The following BRAF variants were observed in gnomAD, a reference collection of about 807,000 sequenced individuals.
The protein encoded by BRAF is serine/threonine-protein kinase B-raf.
Under a neutral mutation model 104.6 loss-of-function variants are expected in BRAF, and 16 were observed. The observed-to-expected ratio is 0.15, with a 90% confidence interval of 0.10 to 0.23. The LOEUF (loss-of-function observed/expected upper bound fraction) is 0.23. BRAF is among the 10% of genes least tolerant of loss of function. BRAF has a pLI of 1.00. For synonymous variants in BRAF, 310 were observed against 341.6 expected (o/e 0.91, Z 1.02); for missense variants, 541 against 937.3 (o/e 0.58, Z 5.52).
At chr7:140,907,057 T>C (rs1366283941) in intron 1 of BRAF, among the ~76,000 whole-genome samples, 3 of 152,214 alleles carry the variant, frequency 2.0e-5, no homozygotes, top group Non-Finnish European at 4.4e-5. Flanking sequence ...AGAAATTAGA[T>C]CTTATTCTGT....
chr7:140,908,989 C>CTTTTTTTTTTT (rs1224922004), intron 1 of BRAF, among the ~76,000 whole-genome samples: 5 of 120,188 alleles, frequency 4.2e-5, no homozygotes, highest in Admixed American at 8.5e-5. Context: ...TCTACGTTTT[C>CTTTTTTTTTTT]TTTTTTTTTT....
At chr7:140,798,363 C>T (rs1305285485) in intron 7 of BRAF, among the ~76,000 whole-genome samples, 3 of 149,342 alleles carry the variant, frequency 2.0e-5, no homozygotes, top group Non-Finnish European at 3.0e-5. Context: ...CCTGGGTTCA[C>T]GCCATCCTCC....
chr7:140,778,912 C>T (rs1171143215), intron 12 of BRAF, among the ~76,000 whole-genome samples: 2 of 152,102 alleles, frequency 1.3e-5, no homozygotes, highest in Non-Finnish European at 2.9e-5. Flanking sequence ...GTTACATGTT[C>T]ACCAAAAGAC....
At position 140,721,408 on chromosome 7, in the gene BRAF, T is replaced by A; in HGVS notation, c.*5086A>T. 8.0e-7 allele frequency: 1 copy of A among 1,252,070 alleles called. No individual in the cohort carries two copies. 77.6% of individuals were successfully genotyped at this position (1,252,070 alleles called of 1,614,324 possible). ...AACTGTTAATTACCCTTTCCACAAT[T>A]AACAAAAATTAGAATTGAATTTCAA... is the stretch of plus-strand genomic sequence containing the variant. On this transcript the variant is annotated 3_prime_UTR_variant, in exon 20 of 20. Coordinates refer to ENST00000644969, the MANE Select transcript of BRAF (RefSeq NM_001374258.1).
At chr7:140,844,640 T>C (rs1183806558) in intron 2 of BRAF, among the ~76,000 whole-genome samples, 3 of 152,164 alleles carry the variant, frequency 2.0e-5, no homozygotes, top group Admixed American at 6.5e-5. Context: ...AAAATTCACA[T>C]GGAGGCTGAG....
chr7:140,755,057 A>G (rs1798091056), intron 14 of BRAF, among the ~76,000 whole-genome samples: 1 of 152,170 alleles, frequency 6.6e-6, no homozygotes. Flanking sequence ...TCTATCACCC[A>G]GGCTGGAGTG....
At position 140,801,438 on chromosome 7, in the gene BRAF, C is replaced by G. The variant is rs1803100594; in HGVS notation, c.834G>C (p.Leu278=). The change falls in exon 6 of 20, where the codon CTG becomes CTC. Residue 278 remains leucine, a synonymous_variant. Transcript: ENST00000644969. ...FHQRCSTEVP[L]MCVNYDQLDL... is the part of the protein sequence containing the mutation. Reference sequence around the variant, plus strand: ...CAAGTTGGTCATAATTAACACACATCAGTGGAACTTCTGTACTACAACGCT... The same window carrying G: ...CAAGTTGGTCATAATTAACACACATGAGTGGAACTTCTGTACTACAACGCT... 6.2e-7 allele frequency: 1 copy of G among 1,613,830 alleles called. No homozygotes were observed. The highest frequency in any genetic ancestry group is 1.3e-5 in the African/African-American group (1 of 74,926).
At chr7:140,847,056 G>A (rs549130169) in intron 2 of BRAF, among the ~76,000 whole-genome samples, 3 of 152,174 alleles carry the variant, frequency 2.0e-5, no homozygotes, top group Middle Eastern at 3.4e-3. Flanking sequence ...TTGAGAGGCT[G>A]ACGCAGGAGA....
chr7:140,862,493 T>C (rs939494221), intron 1 of BRAF, among the ~76,000 whole-genome samples: 14 of 152,300 alleles, frequency 9.2e-5, no homozygotes, highest in African/African-American at 3.1e-4. Flanking sequence ...AAAACACCAA[T>C]GGTCTGAGTA....
intron 3 of BRAF, among the ~76,000 whole-genome samples, chr7:140,814,674 A>G (rs1276604209): frequency 2.0e-5 from 3 of 148,066 alleles, no homozygotes; most frequent in African/African-American, 7.4e-5. Flanking sequence ...CAAAAAATAT[A>G]TATATATAAA....
intron 5 of BRAF, among the ~76,000 whole-genome samples, chr7:140,804,123 G>C (rs1360406550): frequency 1.3e-5 from 2 of 152,104 alleles, no homozygotes; most frequent in Admixed American, 6.6e-5. Flanking sequence ...CTGACCTCAA[G>C]TGATCCGCCT....
chr7:140,760,043 G>T (rs967699066), intron 14 of BRAF, among the ~76,000 whole-genome samples: 19 of 152,170 alleles, frequency 1.2e-4, no homozygotes, highest in African/African-American at 4.3e-4. Context: ...TTTCTGACAG[G>T]TCAAATAAAC....
chr7:140,870,871 T>TAAAA (rs369012646), intron 1 of BRAF, among the ~76,000 whole-genome samples: 2 of 125,130 alleles, frequency 1.6e-5, no homozygotes, highest in Non-Finnish European at 1.7e-5. Flanking sequence ...TTTTCTTACT[T>TAAAA]AAAAAAAAAA....
At chr7:140,716,561 G>A (rs564605130), downstream of BRAF, among the ~76,000 whole-genome samples, 9 of 152,146 alleles carry the variant, frequency 5.9e-5, no homozygotes, top group South Asian at 4.1e-4. Flanking sequence ...CACCCCTCCC[G>A]TCAAAAATAT....
chr7:140,889,680 T>C (rs939273568), intron 1 of BRAF, among the ~76,000 whole-genome samples: 2 of 152,174 alleles, frequency 1.3e-5, no homozygotes, highest in Non-Finnish European at 2.9e-5. Context: ...AATGTTTTAT[T>C]TTCTAGGACT....
chr7:140,845,283 GAGA>G (rs1383963152), intron 2 of BRAF, among the ~76,000 whole-genome samples: 1 of 152,130 alleles, frequency 6.6e-6, no homozygotes, highest in East Asian at 1.9e-4. Context: ...GAGCATTTGG[GAGA>G]AGAATGTCAT....
intron 16 of BRAF, among the ~76,000 whole-genome samples, chr7:140,749,729 A>G (rs972944780): frequency 8.5e-5 from 13 of 152,176 alleles, no homozygotes; most frequent in African/African-American, 2.9e-4. Flanking sequence ...GACTTACCCT[A>G]TTAGAATCAG....
rs1586676107 is a variant in BRAF, at chr7:140,924,907, G to A, written c.-204C>T. 1.3e-5 allele frequency: 2 copies of A among 159,338 alleles called. No individual in the cohort carries two copies. Among genetic ancestry groups the A allele is most frequent in the Admixed American group, 6.5e-5 (1 of 15,280 alleles). 9.9% of individuals were successfully genotyped at this position (159,338 alleles called of 1,614,324 possible). A position where few individuals can be genotyped will look rare whatever the true frequency, so the allele number is the denominator to read the frequency against. ...CCGGCCCGCGGCCCCGGGCGCAGCC[G>A]AGCCTGAGGGGATTGGGGGAAGGAC... On this transcript the variant is annotated 5_prime_UTR_variant, in exon 1 of 20. Coordinates refer to ENST00000644969, the MANE Select transcript of BRAF (RefSeq NM_001374258.1). This position sits in a 1 kb window ranked among gnomAD's most constrained non-coding sequence, Gnocchi z 4.2.
rs564485797 is a variant in BRAF at position 140,809,186 on chromosome 7, TAAATC to T, written c.505-196_505-192del. Among the ~76,000 whole-genome samples the T allele has an allele frequency of 3.7e-4, 57 of 152,306 alleles. No homozygotes were observed. In the East Asian group the frequency reaches 9.5e-3, roughly 25 times the overall value. ...AAATATTTGTTATTATTCACCAACT[TAAATC>T]AAAGCAAAGTTAATTTTCTATTTTA... On this transcript the variant is annotated intron_variant, in intron 3 of 19. Coordinates refer to ENST00000644969, the MANE Select transcript of BRAF (RefSeq NM_001374258.1).
Sources: allele counts gnomAD v4.1 joint callset (sites outside exome capture counted in the v4.1 genomes callset), GRCh38; gene constraint gnomAD v4.1.1; non-coding constraint Gnocchi (gnomAD v3.1); transcripts MANE v1.5; gene names NCBI Gene and HGNC (gene_info 2026-07-23, HGNC 2026-07-21).